The following TAF5L variants were observed in gnomAD, a reference collection of about 807,000 sequenced individuals.
TAF5L encodes the protein TATA-box binding protein associated factor 5 like.
A neutral mutation model predicts 51.3 loss-of-function variants in TAF5L; 7 were observed. That is an observed-to-expected ratio of 0.14 (90% CI 0.08 to 0.26). TAF5L has a LOEUF of 0.26. Among genes scored for constraint, TAF5L ranks in the 10% least tolerant of loss-of-function variants. TAF5L has a pLI of 1.00. For missense variants in TAF5L, 575 were observed against 758.9 expected (o/e 0.76, Z 2.85); for synonymous variants, 291 against 308.1 (o/e 0.94, Z 0.58).
intron 3 of TAF5L, chr1:229,607,349 T>C: frequency 1.0e-6 from 1 of 985,422 alleles, no homozygotes. Flanking sequence ...CTCCCTGCCA[T>C]TCCTCTTACA....
intron 3 of TAF5L, among the ~76,000 whole-genome samples, chr1:229,604,726 G>A (rs1239918066): frequency 6.6e-6 from 1 of 152,150 alleles, no homozygotes; most frequent in African/African-American, 2.4e-5. Context: ...CTTGCGAGAT[G>A]AGTGCAAAGG....
intron 1 of TAF5L, among the ~76,000 whole-genome samples, chr1:229,622,458 C>G (rs1264199239): frequency 6.6e-6 from 1 of 152,148 alleles, no homozygotes; most frequent in Non-Finnish European, 1.5e-5. Context: ...TGCCTGGTTT[C>G]TTCATGCTTT....
At position 229,614,260 on chromosome 1, in the gene TAF5L, G is replaced by A. The variant is rs763821891; in HGVS notation, c.142+81C>T. On this transcript the variant is annotated intron_variant, in intron 2 of 4. Transcript: ENST00000258281. ...GCTCTCTCTGGCACTGTCTTGAGAA[G>A]AGGAGAAGTAATTCCACATGGATAT... The A allele has an allele frequency of 3.1e-6, 5 of 1,611,726 alleles. No individual in the cohort carries two copies. The South Asian group carries it at 4.4e-5, about 14-fold the overall frequency.
At chr1:229,617,495 G>A (rs1349566671) in intron 1 of TAF5L, among the ~76,000 whole-genome samples, 7 of 152,176 alleles carry the variant, frequency 4.6e-5, no homozygotes, top group Non-Finnish European at 7.3e-5. Flanking sequence ...CCACACTGCC[G>A]ATCTTTTGCT....
At chr1:229,597,019 A>G (rs1237462053) in intron 4 of TAF5L, among the ~76,000 whole-genome samples, 2 of 152,368 alleles carry the variant, frequency 1.3e-5, no homozygotes, top group South Asian at 2.1e-4. Context: ...TTAAAAATAC[A>G]TTAAGTATTT....
At chr1:229,614,872 G>A (rs1336919868) in intron 1 of TAF5L, among the ~76,000 whole-genome samples, 1 of 152,172 alleles carries the variant, frequency 6.6e-6, no homozygotes, top group Non-Finnish European at 1.5e-5. Flanking sequence ...CCTACTCTGT[G>A]AGAGAGGCGT....
intron 2 of TAF5L, among the ~76,000 whole-genome samples, chr1:229,613,329 C>CAAAAAAAAAAAA (rs567436350): frequency 2.4e-5 from 2 of 84,594 alleles, no homozygotes; most frequent in African/African-American, 4.5e-5. Flanking sequence ...GACTCTGTCT[C>CAAAAAAAAAAAA]AAAAAAAAAA....
chr1:229,600,253 GGGCATGCA>G, intron 4 of TAF5L: 5 of 985,274 alleles, frequency 5.1e-6, no homozygotes, highest in Non-Finnish European at 6.0e-6. Context: ...TAAAATGGGC[GGGCATGCA>G]GGAAGCCCCT....
chr1:229,608,953 G>A (rs888135153), intron 3 of TAF5L, among the ~76,000 whole-genome samples: 1 of 152,136 alleles, frequency 6.6e-6, no homozygotes, highest in African/African-American at 2.4e-5. Flanking sequence ...GCAGTGAGCC[G>A]TGATCATGCC....
intron 3 of TAF5L, among the ~76,000 whole-genome samples, chr1:229,608,568 TTC>T (rs1431238515): frequency 6.6e-6 from 1 of 152,234 alleles, no homozygotes; most frequent in Non-Finnish European, 1.5e-5. Context: ...TGGCATTGGT[TTC>T]TGAGGCTTTA....
At chr1:229,623,478 C>G (rs1374344327) in intron 1 of TAF5L, among the ~76,000 whole-genome samples, 2 of 152,210 alleles carry the variant, frequency 1.3e-5, no homozygotes, top group African/African-American at 2.4e-5. Flanking sequence ...GTTGGAGGCA[C>G]TGCCACACTG....
intron 2 of TAF5L, among the ~76,000 whole-genome samples, chr1:229,613,838 A>G (rs1664875808): frequency 6.6e-6 from 1 of 152,230 alleles, no homozygotes; most frequent in South Asian, 2.1e-4. Flanking sequence ...TCAAAACATT[A>G]AAAAACAAAA....
chr1:229,600,749 T>C (rs1053187893), intron 4 of TAF5L: 39 of 985,304 alleles, frequency 4.0e-5, no homozygotes, highest in Admixed American at 1.2e-4. Context: ...GAAATAAACA[T>C]AGGACAAGCC....
chr1:229,601,147 C>G (rs189305624), intron 4 of TAF5L: 1,535 of 985,308 alleles, frequency 1.6e-3, no homozygotes, highest in Non-Finnish European at 1.8e-3. Flanking sequence ...ATTATACTGT[C>G]TCGGTTGCAA....
chr1:229,604,345 A>G (rs972865578), intron 3 of TAF5L, among the ~76,000 whole-genome samples: 1 of 152,180 alleles, frequency 6.6e-6, no homozygotes, highest in African/African-American at 2.4e-5. Flanking sequence ...TAATATTCAT[A>G]ATATGCATTT....
chr1:229,594,891 G>T lies in TAF5L; in HGVS notation c.1176C>A (p.Ile392=). 2 of 1,614,224 alleles carry T rather than the reference G, an allele frequency of 1.2e-6. No individual in the cohort carries two copies. Among genetic ancestry groups the T allele is most frequent in the Non-Finnish European group, 1.7e-6 (2 of 1,180,038 alleles). Residue 392 remains isoleucine, a synonymous_variant, in exon 5 of 5, where the codon ATC becomes ATA. Coordinates refer to ENST00000258281, the Ensembl canonical transcript of TAF5L. This position sits in a 1 kb window ranked among gnomAD's most constrained non-coding sequence, Gnocchi z 7.9. ...TGGCGAAGTACAGGCTATATGGACTGATGTCCAGATCCCACACAGGATAGG... is the reference window on the plus strand; with the variant it reads ...TGGCGAAGTACAGGCTATATGGACTTATGTCCAGATCCCACACAGGATAGG...
At chr1:229,622,471 G>A (rs1411384297) in intron 1 of TAF5L, among the ~76,000 whole-genome samples, 1 of 152,116 alleles carries the variant, frequency 6.6e-6, no homozygotes, top group Non-Finnish European at 1.5e-5. Context: ...CATGCTTTCT[G>A]TAAGTGCTGT....
chr1:229,599,768 ATG>A (rs1664295316), intron 4 of TAF5L: 5 of 954,188 alleles, frequency 5.2e-6, no homozygotes, highest in Non-Finnish European at 6.2e-6. Flanking sequence ...CTGTGTGCAC[ATG>A]TTTTCCATTC....
In TAF5L at chr1:229,595,099, G is replaced by T. The variant is rs367862534; in HGVS notation, c.973-5C>A. Reference sequence around the variant, plus strand: ...TGCATTATCATCCTCATCATCCTGGGAACAGTGGGGTGGGGTGGGAAAAGA... The same window carrying T: ...TGCATTATCATCCTCATCATCCTGGTAACAGTGGGGTGGGGTGGGAAAAGA... On this transcript the variant is annotated splice_polypyrimidine_tract_variant and splice_region_variant and intron_variant, in intron 4 of 4. Coordinates refer to ENST00000258281, the Ensembl canonical transcript of TAF5L. 3 of 1,578,340 alleles carry T rather than the reference G, an allele frequency of 1.9e-6. No homozygotes were observed. The highest frequency in any genetic ancestry group is 2.7e-5 in the African/African-American group (2 of 74,190).
Sources: gnomAD v4.1 joint callset for allele counts (sites outside exome capture counted in the v4.1 genomes callset) on GRCh38, gnomAD v4.1.1 for gene constraint, Gnocchi (gnomAD v3.1) non-coding constraint, MANE v1.5 for transcripts, NCBI Gene and HGNC (gene_info 2026-07-23, HGNC 2026-07-21) for gene names.